Variants in TMEM117 observed in about 807,000 individuals in gnomAD.
TMEM117 encodes transmembrane protein 117.
A neutral mutation model predicts 52.4 loss-of-function variants in TMEM117; 27 were observed. The observed-to-expected ratio is 0.51, with a 90% confidence interval of 0.38 to 0.71. The LOEUF (loss-of-function observed/expected upper bound fraction) is 0.71. TMEM117 is among the 30% of genes least tolerant of loss of function. TMEM117 has a pLI of 0.00. For missense variants in TMEM117, 556 were observed against 630.5 expected (o/e 0.88, Z 1.26); for synonymous variants, 215 against 206.3 (o/e 1.04, Z -0.36).
chr12:43,876,325 C>T (rs553011203), intron 2 of TMEM117, among the ~76,000 whole-genome samples: 2 of 152,264 alleles, frequency 1.3e-5, no homozygotes, highest in East Asian at 1.9e-4. Flanking sequence ...TCTTGCCATG[C>T]GGGGCCCAAC....
chr12:44,076,782 G>C (rs1008209286), intron 3 of TMEM117, among the ~76,000 whole-genome samples: 1 of 152,166 alleles, frequency 6.6e-6, no homozygotes, highest in African/African-American at 2.4e-5. Flanking sequence ...AATGGTAGTA[G>C]ATAATGAACT....
rs549517278 is a variant in TMEM117, at chr12:44,282,901, T to C, written c.609-16679T>C. 2.0e-5 allele frequency among the ~76,000 whole-genome samples: 3 copies of C among 152,340 alleles called. No homozygotes were observed. In the South Asian group the frequency reaches 6.2e-4, roughly 32 times the overall value. ...GTTTCGTGGGCTGGGCCCAGGGTCCTCGTGCTGTGTGCAGCCTAGGGACTT... is the reference window on the plus strand; with the variant it reads ...GTTTCGTGGGCTGGGCCCAGGGTCCCCGTGCTGTGTGCAGCCTAGGGACTT... On this transcript the variant is annotated intron_variant, in intron 5 of 7. Transcript: ENST00000266534.
At chr12:44,141,949 T>A (rs1485009342) in intron 3 of TMEM117, among the ~76,000 whole-genome samples, 2 of 152,216 alleles carry the variant, frequency 1.3e-5, no homozygotes, top group Non-Finnish European at 2.9e-5. Flanking sequence ...TCTACTAAGC[T>A]ACTTGTGGAC....
At chr12:44,131,106 T>A (rs1415466182) in intron 3 of TMEM117, among the ~76,000 whole-genome samples, 2 of 152,136 alleles carry the variant, frequency 1.3e-5, no homozygotes, top group Non-Finnish European at 2.9e-5. Context: ...GGATTTTTAA[T>A]CATTCAGTTT....
chr12:43,882,460 CAAA>C (rs57833998), intron 2 of TMEM117, among the ~76,000 whole-genome samples: 2 of 117,222 alleles, frequency 1.7e-5, no homozygotes, highest in Non-Finnish European at 3.3e-5. Flanking sequence ...AACTTCATCT[CAAA>C]AAAAAAAAAA....
chr12:44,089,567 CA>C (rs1395595651), intron 3 of TMEM117, among the ~76,000 whole-genome samples: 4 of 152,156 alleles, frequency 2.6e-5, no homozygotes, highest in Admixed American at 2.0e-4. Context: ...TCCCACCCCA[CA>C]GATTTTCACC....
intron 3 of TMEM117, among the ~76,000 whole-genome samples, chr12:44,023,411 C>T (rs1946483966): frequency 6.6e-6 from 1 of 152,240 alleles, no homozygotes; most frequent in East Asian, 1.9e-4. Context: ...CTGACTTCCA[C>T]AATGGTTGAA....
In TMEM117 at chr12:43,844,909, G is replaced by A; in HGVS notation, c.258G>A (p.Leu86=). ...ILTGLIAGKF[L]FHQRLFGQLL... is the part of the protein sequence containing the mutation. ...CAGGACTAATAGCTGGCAAATTTCTGTTCCATCAGCGTTTGTTTGGTAAGT... is the reference window on the plus strand; with the variant it reads ...CAGGACTAATAGCTGGCAAATTTCTATTCCATCAGCGTTTGTTTGGTAAGT... Residue 86 remains leucine, a synonymous_variant, in exon 2 of 8, where the codon CTG becomes CTA. Transcript: ENST00000266534. 1 of 1,613,170 alleles carries A rather than the reference G, an allele frequency of 6.2e-7. No individual in the cohort carries two copies. Among genetic ancestry groups the A allele is most frequent in the Non-Finnish European group, 8.5e-7 (1 of 1,179,832 alleles).
the TMEM117 span, among the ~76,000 whole-genome samples, chr12:43,811,403 T>C: frequency 6.6e-6 from 1 of 152,202 alleles, no homozygotes; most frequent in Admixed American, 6.5e-5. Flanking sequence ...CAAAAAGGAA[T>C]CTTCTGCCTC....
At chr12:44,171,760 A>C (rs1365307358) in intron 4 of TMEM117, among the ~76,000 whole-genome samples, 1 of 152,188 alleles carries the variant, frequency 6.6e-6, no homozygotes, top group Non-Finnish European at 1.5e-5. Context: ...GATTACCATA[A>C]TAGGAAATAT....
rs551383353 is a variant in TMEM117 at position 44,243,279 on chromosome 12, A to G, written c.608+31892A>G. Among the ~76,000 whole-genome samples, 9 of 152,024 alleles carry G rather than the reference A, an allele frequency of 5.9e-5. No individual in the cohort carries two copies. The East Asian group carries it at 1.2e-3, about 20-fold the overall frequency. ...ATGTTACCTTTTCAATGATAGCATT[A>G]TCAGATTTAGGTCAGAATAGAACTA... On this transcript the variant is annotated intron_variant, in intron 5 of 7. Coordinates refer to ENST00000266534, the MANE Select transcript of TMEM117 (RefSeq NM_032256.3).
intron 3 of TMEM117, among the ~76,000 whole-genome samples, chr12:44,116,981 A>G (rs935658389): frequency 2.6e-5 from 4 of 152,142 alleles, no homozygotes; most frequent in Non-Finnish European, 5.9e-5. Flanking sequence ...ATAAAACACA[A>G]ACTGTATCAT....
chr12:43,876,487 A>G (rs138628110), intron 2 of TMEM117, among the ~76,000 whole-genome samples: 98 of 152,344 alleles, frequency 6.4e-4, no homozygotes, highest in African/African-American at 2.2e-3. Flanking sequence ...TGGAGAAGAC[A>G]TTCTTATTTG....
At chr12:44,079,091 A>G (rs1320188008) in intron 3 of TMEM117, among the ~76,000 whole-genome samples, 3 of 151,898 alleles carry the variant, frequency 2.0e-5, no homozygotes, top group African/African-American at 4.8e-5. Context: ...TATGTGCCAC[A>G]TTTTCCTTAT....
intron 4 of TMEM117, among the ~76,000 whole-genome samples, chr12:44,204,850 A>G (rs2138379362): frequency 6.6e-6 from 1 of 152,282 alleles, no homozygotes; most frequent in Middle Eastern, 3.4e-3. Context: ...GGCTAGCCAT[A>G]TGCAGAAGAA....
chr12:44,262,823 G>A (rs1202808071), intron 5 of TMEM117, among the ~76,000 whole-genome samples: 1 of 152,136 alleles, frequency 6.6e-6, no homozygotes, highest in Non-Finnish European at 1.5e-5. Flanking sequence ...TCCTGACTTC[G>A]TGATCCACCC....
At chr12:44,163,368 T>C (rs1029035649) in intron 4 of TMEM117, among the ~76,000 whole-genome samples, 3 of 152,196 alleles carry the variant, frequency 2.0e-5, no homozygotes, top group Non-Finnish European at 4.4e-5. Context: ...TTTTATTTTA[T>C]TTTATTTTTC....
intron 3 of TMEM117, among the ~76,000 whole-genome samples, chr12:44,093,309 G>A (rs1947705166): frequency 6.6e-6 from 1 of 151,958 alleles, no homozygotes; most frequent in East Asian, 1.9e-4. Flanking sequence ...CTCTAACTTT[G>A]TTATTTCTAA....
At chr12:43,809,771 G>T in the TMEM117 span, among the ~76,000 whole-genome samples, 1 of 152,122 alleles carries the variant, frequency 6.6e-6, no homozygotes. Flanking sequence ...TATAAAAAAT[G>T]AGGATCAAGA....
Sources: allele counts gnomAD v4.1 joint callset (sites outside exome capture counted in the v4.1 genomes callset), GRCh38; gene constraint gnomAD v4.1.1; transcripts MANE v1.5; gene names NCBI Gene and HGNC (gene_info 2026-07-23, HGNC 2026-07-21).